Variants in OCRL observed in about 807,000 individuals in gnomAD.
The protein encoded by OCRL is OCRL inositol polyphosphate-5-phosphatase.
OCRL carries 8 observed loss-of-function variants against 78.9 expected under a neutral mutation model. The observed-to-expected ratio is 0.10, with a 90% CI of 0.06 to 0.18. OCRL has a LOEUF of 0.18. OCRL is among the 10% of genes least tolerant of loss of function. The pLI is 1.00. For synonymous variants in OCRL, 240 were observed against 235.4 expected (o/e 1.02, Z -0.18); for missense variants, 454 against 696.7 (o/e 0.65, Z 3.92).
In OCRL at chrX:129,589,850, C is replaced by G. The variant is rs1211173922; in HGVS notation, c.2475C>G (p.Ile825Met). Residue 825 changes from isoleucine (I) to methionine (M), a missense_variant, in exon 23 of 24, where the codon ATC (isoleucine) becomes ATG (methionine). Ile to Met is a conservative substitution (Grantham distance 10). Transcript: ENST00000371113. Reference sequence around the variant, plus strand: ...GCCCCTATTTTTAAAAACAGGTGATCTCCCAGCTTCCGAGATGCCATAGAA... The same window carrying G: ...GCCCCTATTTTTAAAAACAGGTGATGTCCCAGCTTCCGAGATGCCATAGAA... The part of the protein sequence containing the change: ...AYDPRICRQV[I>M]SQLPRCHRNV... 2.5e-6 allele frequency: 3 copies of G among 1,202,716 alleles called. No homozygotes were observed. Among genetic ancestry groups the G allele is most frequent in the Non-Finnish European group, 3.4e-6 (3 of 887,299 alleles).
In OCRL at chrX:129,582,280, C is replaced by A. The variant is rs1230567714; in HGVS notation, c.2116-2064C>A. 1.8e-5 allele frequency among the ~76,000 whole-genome samples: 2 copies of A among 111,671 alleles called. 1 individual carries two copies. The highest frequency in any genetic ancestry group is 7.5e-4 in the South Asian group (2 of 2,676). On this transcript the variant is annotated intron_variant, in intron 18 of 23. Transcript: ENST00000371113. ...GAGAACTCGTATTCATGAATTATAA[C>A]AATACCAGTCTGTAAACTCTGGAAC...
chrX:129,589,727 A>G (rs896750416), intron 22 of OCRL, 118 bp from the exon 23 acceptor site: 4 of 533,935 alleles, frequency 7.5e-6, no homozygotes, highest in East Asian at 3.5e-5. Flanking sequence ...GAAGTTAGAC[A>G]GATGAAATGG....
chrX:129,544,134 G>A (rs1278766068), intron 2 of OCRL, among the ~76,000 whole-genome samples: 2 of 111,307 alleles, frequency 1.8e-5, no homozygotes, highest in East Asian at 5.6e-4. Context: ...TACTTGAAGA[G>A]TGCTTGACTT....
At chrX:129,571,520 G>A (rs1936302207) in intron 15 of OCRL, among the ~76,000 whole-genome samples, 1 of 109,085 alleles carries the variant, frequency 9.2e-6, no homozygotes, top group Admixed American at 9.8e-5. Context: ...TTTTAGTAGA[G>A]ACGGGGTTTC....
Position 129,590,858 on chromosome X carries a change from T to C in OCRL, c.*588T>C, listed in dbSNP as rs1936577107. ...GTGCATTTCTACTACAATGGCATCT[T>C]TATGTCTCTGTAACATTGGCCTTTT... is the stretch of plus-strand genomic sequence containing the variant. On this transcript the variant is annotated 3_prime_UTR_variant, in exon 24 of 24. Transcript: ENST00000371113. 7.9e-6 allele frequency: 1 copy of C among 125,969 alleles called. No individual in the cohort carries two copies. Among genetic ancestry groups the C allele is most frequent in the Non-Finnish European group, 1.6e-5 (1 of 61,437 alleles). 10.4% of individuals were successfully genotyped at this position (125,969 alleles called of 1,213,427 possible).
At chrX:129,561,331 A>C (rs996874460) in intron 10 of OCRL, 38 bp downstream of exon 10, 2 of 829,274 alleles carry the variant, frequency 2.4e-6, no homozygotes, top group Admixed American at 2.2e-5. Context: ...GTGTATGACT[A>C]AATAGGGCTC....
intron 5 of OCRL, among the ~76,000 whole-genome samples, 164 bp from the exon 6 acceptor site, chrX:129,557,697 A>G (rs1936078039): frequency 8.9e-6 from 1 of 111,787 alleles, no homozygotes; most frequent in African/African-American, 3.3e-5. Flanking sequence ...TTCTGCCCCT[A>G]GATGACCCCA....
Position 129,567,384 on chromosome X carries a change from T to C in OCRL, c.1466+21T>C, listed in dbSNP as rs746431674. ...TCCAGGTAAAGTAATAAGAACCTTC[T>C]CACAGAGAAGGTTAAGGCTTGATCT... On this transcript the variant is annotated intron_variant, in intron 14 of 23. Transcript: ENST00000371113. The C allele has an allele frequency of 1.6e-5, 17 of 1,048,465 alleles. No homozygotes were observed. The Admixed American group carries it at 3.7e-4, about 23-fold the overall frequency. The allele number at this position is 1,048,465 out of a possible 1,213,427, so 86.4% of individuals were successfully genotyped here.
At chrX:129,555,766 T>C (rs1369403600) in intron 4 of OCRL, among the ~76,000 whole-genome samples, 6 of 112,578 alleles carry the variant, frequency 5.3e-5, no homozygotes, top group African/African-American at 3.2e-5. Context: ...TTTGCTAAAA[T>C]ATGTCTTTCA....
intron 4 of OCRL, among the ~76,000 whole-genome samples, chrX:129,552,068 T>C (rs925459028): frequency 8.9e-6 from 1 of 112,012 alleles, no homozygotes; most frequent in African/African-American, 3.2e-5. Context: ...GTCTTAAATC[T>C]GAATTTTGAG....
chrX:129,554,399 C>CTT (rs1715705038), intron 4 of OCRL: 1 of 110,715 alleles, frequency 9.0e-6, no homozygotes, highest in African/African-American at 3.3e-5. Context: ...TAAAGGGACC[C>CTT]AAAATTAATG....
At chrX:129,571,071 G>C (rs1936292510) in intron 15 of OCRL, among the ~76,000 whole-genome samples, 1 of 112,060 alleles carries the variant, frequency 8.9e-6, no homozygotes, top group Non-Finnish European at 1.9e-5. Context: ...CCAATCTTAA[G>C]TTGGCTTAAC....
Position 129,557,936 on chromosome X carries a change from C to CTTCTGT in OCRL, c.428_433dup (p.Ser143_Val144dup). 8.4e-7 allele frequency: 1 copy of CTTCTGT among 1,185,619 alleles called. No homozygotes were observed. The highest frequency in any genetic ancestry group is 1.1e-6 in the Non-Finnish European group (1 of 871,616). On this transcript the variant is annotated inframe_insertion, in exon 6 of 24. Transcript: ENST00000371113. ...CAGAAATTAGACACTAAGGACAAAC[C>CTTCTGT]TTCTGTTTTTTCAGGTACTAAAAAG...
chrX:129,543,325 G>A (rs748742383), intron 2 of OCRL, among the ~76,000 whole-genome samples: 25 of 112,728 alleles, frequency 2.2e-4, no homozygotes, highest in Non-Finnish European at 4.1e-4. Context: ...TATTTGTTTT[G>A]TAATAGTTTT....
Position 129,557,961 on chromosome X carries a change from G to T in OCRL, c.439+11G>T. The stretch of plus-strand genomic sequence containing the variant: ...CTTCTGTTTTTTCAGGTACTAAAAA[G>T]TTCCTGGTTTCCTTGTTGCTATGGT... On this transcript the variant is annotated intron_variant, in intron 6 of 23. Coordinates refer to ENST00000371113, the MANE Select transcript of OCRL (RefSeq NM_000276.4). The T allele has an allele frequency of 9.1e-7, 1 of 1,099,235 alleles. No homozygotes were observed. The highest frequency in any genetic ancestry group is 1.3e-6 in the Non-Finnish European group (1 of 792,590). 90.6% of individuals were successfully genotyped at this position (1,099,235 alleles called of 1,213,427 possible).
Position 129,587,069 on chromosome X carries a change from A to G in OCRL, c.2207A>G (p.Lys736Arg), listed in dbSNP as rs1386937758. The G allele has an allele frequency of 2.5e-6, 3 of 1,207,038 alleles. No individual in the cohort carries two copies. The highest frequency in any genetic ancestry group is 3.0e-5 in the East Asian group (1 of 33,780). Reference sequence around the variant, plus strand: ...AGTGAGAGACCCCTTCAGGTTCCCAAGGAGATCTGGCTTCTAGTAGATCAC... The same window carrying G: ...AGTGAGAGACCCCTTCAGGTTCCCAGGGAGATCTGGCTTCTAGTAGATCAC... ...GASERPLQVPKEIWLLVDHLF... is the reference protein window; with the variant it reads ...GASERPLQVPREIWLLVDHLF... Residue 736 changes from lysine to arginine, a missense_variant, in exon 20 of 24, where the codon AAG becomes AGG. This residue lies in a region of OCRL where 277 missense variants were observed against 517.1 expected (regional missense o/e 0.54). Coordinates refer to ENST00000371113, the MANE Select transcript of OCRL (RefSeq NM_000276.4).
At chrX:129,544,556 C>T (rs113156108) in intron 2 of OCRL, among the ~76,000 whole-genome samples, 1,197 of 111,863 alleles carry the variant, frequency 0.011, 19 homozygotes, top group African/African-American at 0.036. Flanking sequence ...TCCACACACA[C>T]GAGCAACTCC....
intron 16 of OCRL, 41 bp from the exon 17 acceptor site, chrX:129,575,856 C>T: frequency 8.3e-7 from 1 of 1,197,801 alleles, no homozygotes; most frequent in Non-Finnish European, 1.1e-6. Flanking sequence ...CTTACTTCCC[C>T]TACTAGTGAT....
At position 129,562,241 on chromosome X, in the gene OCRL, G is replaced by A. The variant is rs150137373; in HGVS notation, c.940-143G>A. 376 of 541,886 alleles carry A rather than the reference G, an allele frequency of 6.9e-4. No homozygotes were observed. Among genetic ancestry groups the A allele is most frequent in the African/African-American group, 5.1e-3 (226 of 43,961 alleles). The allele number at this position is 541,886 out of a possible 1,213,427, so 44.7% of individuals were successfully genotyped here. The stretch of plus-strand genomic sequence containing the variant: ...CAGAGAATATTAGTTTCCACTTGAC[G>A]GGGTCCACTGAGAAATTAGAGGATA... On this transcript the variant is annotated intron_variant, in intron 10 of 23. Coordinates refer to ENST00000371113, the MANE Select transcript of OCRL (RefSeq NM_000276.4).
Sources: gnomAD v4.1 joint callset for allele counts (sites outside exome capture counted in the v4.1 genomes callset) on GRCh38, gnomAD v4.1.1 for gene constraint, gnomAD v4.1.1 regional missense constraint, MANE v1.5 for transcripts, NCBI Gene and HGNC (gene_info 2026-07-23, HGNC 2026-07-21) for gene names.